The following IL17RA variants were observed in gnomAD, a reference collection of about 807,000 sequenced individuals.
The protein encoded by IL17RA is interleukin 17 receptor A.
Under a neutral mutation model 50.4 loss-of-function variants are expected in IL17RA, and 34 were observed. The observed-to-expected ratio is 0.67, with a 90% CI of 0.51 to 0.90. IL17RA has a LOEUF of 0.90. Among genes scored for constraint, IL17RA ranks in the 40% least tolerant of loss-of-function variants. The pLI is 0.00. For synonymous variants in IL17RA, 585 were observed against 510.4 expected, an observed-to-expected ratio of 1.15 and a Z score of -1.97; for missense variants, 1,276 against 1,169.8, an observed-to-expected ratio of 1.09 and a Z score of -1.32.
intron 1 of IL17RA, among the ~76,000 whole-genome samples, chr22:17,087,294 C>T (rs2061331508): frequency 2.0e-5 from 3 of 152,232 alleles, no homozygotes; most frequent in Admixed American, 1.3e-4. Flanking sequence ...TCTCTGCAGT[C>T]GGGCTTTGAG....
intron 1 of IL17RA, among the ~76,000 whole-genome samples, chr22:17,086,239 A>G (rs895439053): frequency 3.3e-5 from 5 of 150,878 alleles, no homozygotes; most frequent in African/African-American, 1.2e-4. Context: ...CTCCACCTCC[A>G]CCTCCACCGC....
Position 17,102,084 on chromosome 22 carries a change from C to T in IL17RA, c.598+41C>T, listed in dbSNP as rs756290540. ...GGAGAGCTTTATTTGGATGCATACA[C>T]ATGCACATGTGCGTGCCCCTCCTCA... is the stretch of plus-strand genomic sequence containing the variant. On this transcript the variant is annotated intron_variant, in intron 6 of 12. Coordinates refer to ENST00000319363, the MANE Select transcript of IL17RA (RefSeq NM_014339.7). 3.1e-6 allele frequency: 5 copies of T among 1,612,038 alleles called. No individual in the cohort carries two copies. In the Admixed American group the frequency reaches 8.3e-5, roughly 27 times the overall value.
At chr22:17,100,565 G>GC (rs2061387373) in intron 5 of IL17RA, 84 bp downstream of exon 5, 1 of 1,545,454 alleles carries the variant, frequency 6.5e-7, no homozygotes, top group South Asian at 1.1e-5. Context: ...CAGCCCCCCT[G>GC]CTCAGCAAGA....
intron 11 of IL17RA, 33 bp from the exon 12 acceptor site, chr22:17,107,694 G>C (rs574714149): frequency 6.3e-7 from 1 of 1,597,500 alleles, no homozygotes; most frequent in African/African-American, 1.3e-5. Flanking sequence ...TCTTCCCAAA[G>C]AACCACTCCA....
chr22:17,101,779 T>G (rs568076670), intron 5 of IL17RA, among the ~76,000 whole-genome samples: 3 of 152,296 alleles, frequency 2.0e-5, no homozygotes, highest in Non-Finnish European at 2.9e-5. Context: ...TCAGGAGGAA[T>G]GCACTTGCAT....
Position 17,099,063 on chromosome 22 carries a change from C to T in IL17RA, c.423+176C>T, listed in dbSNP as rs1041410018. ...GAAGTCAAAAGAGAAGTGGTGTGGCCGCCGTGAGCAATAGTGAGGGACAGA... is the reference window on the plus strand; with the variant it reads ...GAAGTCAAAAGAGAAGTGGTGTGGCTGCCGTGAGCAATAGTGAGGGACAGA... On this transcript the variant is annotated intron_variant, in intron 4 of 12. Transcript: ENST00000319363. Among the ~76,000 whole-genome samples, 9 of 152,272 alleles carry T rather than the reference C, an allele frequency of 5.9e-5. No homozygotes were observed. The East Asian group carries it at 7.7e-4, about 13-fold the overall frequency.
Position 17,110,031 on chromosome 22 carries a change from A to G in IL17RA, c.*211A>G, listed in dbSNP as rs886057207. 1.7e-6 allele frequency: 1 copy of G among 596,992 alleles called. No homozygotes were observed. Among genetic ancestry groups the G allele is most frequent in the Non-Finnish European group, 3.0e-6 (1 of 338,170 alleles). 37.0% of individuals were successfully genotyped at this position (596,992 alleles called of 1,614,324 possible). On this transcript the variant is annotated 3_prime_UTR_variant, in exon 13 of 13. Coordinates refer to ENST00000319363, the MANE Select transcript of IL17RA (RefSeq NM_014339.7). ...ATCGTCTATCCCCAGGGGAATCCAC[A>G]CAGCCCGCTCCCAGGAGCTAATGGT...
chr22:17,105,758 G>A (rs1377423508), intron 10 of IL17RA, 95 bp from the exon 11 acceptor site: 1 of 1,408,210 alleles, frequency 7.1e-7, no homozygotes, highest in African/African-American at 1.4e-5. Flanking sequence ...TGGGGCCAGA[G>A]AGGACAGAGC....
intron 7 of IL17RA, 45 bp downstream of exon 7, chr22:17,102,347 C>G: frequency 6.3e-7 from 1 of 1,597,774 alleles, no homozygotes; most frequent in Non-Finnish European, 8.6e-7. Context: ...TCAGGACCAC[C>G]CCTCCAAGCC....
intron 5 of IL17RA, among the ~76,000 whole-genome samples, chr22:17,101,699 G>T (rs1475646537): frequency 6.6e-6 from 1 of 152,240 alleles, no homozygotes; most frequent in Non-Finnish European, 1.5e-5. Context: ...GGCAGCCGGG[G>T]ACAAGAAGCT....
intron 5 of IL17RA, among the ~76,000 whole-genome samples, chr22:17,101,752 GGTC>G (rs2061392202): frequency 6.6e-6 from 1 of 152,184 alleles, no homozygotes; most frequent in Non-Finnish European, 1.5e-5. Flanking sequence ...AAGATTGCTT[GGTC>G]ACCCACAGCA....
intron 7 of IL17RA, 85 bp from the exon 8 acceptor site, chr22:17,103,409 C>G (rs529052877): frequency 9.1e-7 from 1 of 1,094,592 alleles, no homozygotes; most frequent in East Asian, 2.5e-5. Flanking sequence ...TGGACAGCCT[C>G]TCCATGGCAG....
Position 17,108,382 on chromosome 22 carries a change from A to ACC in IL17RA, c.1167_1168dup (p.Leu390ProfsTer8). ...GTCTGGATCATCTACTCAGCCGACC[A>ACC]CCCCCTCTACGTGGACGTGGTCCTG... is the stretch of plus-strand genomic sequence containing the variant. On this transcript the variant is annotated frameshift_variant, in exon 13 of 13. Coordinates refer to ENST00000319363, the MANE Select transcript of IL17RA (RefSeq NM_014339.7). LOFTEE classifies it low-confidence loss of function (END_TRUNC). 6.2e-7 allele frequency: 1 copy of ACC among 1,613,628 alleles called. No individual in the cohort carries two copies. The highest frequency in any genetic ancestry group is 8.5e-7 in the Non-Finnish European group (1 of 1,179,838).
chr22:17,105,684 C>A, intron 10 of IL17RA, 82 bp downstream of exon 10: 1 of 1,536,528 alleles, frequency 6.5e-7, no homozygotes, highest in Non-Finnish European at 9.0e-7. Flanking sequence ...CCTGCCTCAG[C>A]CAGGCAGACA....
In IL17RA at chr22:17,112,812, C is replaced by A. The variant is rs149043908; in HGVS notation, c.*2992C>A. ...AAGAACAGGTGCCCTCCACGCTGTG[C>A]CCCTCCCACCTCTTCAGCTCGTCTC... On this transcript the variant is annotated 3_prime_UTR_variant, in exon 13 of 13. Transcript: ENST00000319363. 1 of 152,166 alleles carries A rather than the reference C, an allele frequency of 6.6e-6. No homozygotes were observed. The highest frequency in any genetic ancestry group is 2.4e-5 in the African/African-American group (1 of 41,432). 9.4% of individuals were successfully genotyped at this position (152,166 alleles called of 1,614,324 possible). A position where few individuals can be genotyped will look rare whatever the true frequency, so the allele number is the denominator to read the frequency against.
At chr22:17,085,438 G>A (rs41470749) in intron 1 of IL17RA, among the ~76,000 whole-genome samples, 1 of 152,032 alleles carries the variant, frequency 6.6e-6, no homozygotes, top group Admixed American at 6.5e-5. Flanking sequence ...GTGGAATACG[G>A]GGGGGGTGGG....
chr22:17,103,472 C>G lies in IL17RA; in HGVS notation c.763-22C>G, dbSNP rs752863491. 8 of 1,608,026 alleles carry G rather than the reference C, an allele frequency of 5.0e-6. No homozygotes were observed. In the East Asian group the frequency reaches 1.8e-4, roughly 36 times the overall value. On this transcript the variant is annotated intron_variant, in intron 7 of 12. Coordinates refer to ENST00000319363, the MANE Select transcript of IL17RA (RefSeq NM_014339.7). ...CCTTACCCATCCCAACTAGCCTTAC[C>G]CATCCTCGCCTCTCTCCTCAGCCCA...
chr22:17,102,880 G>A (rs1410371905), intron 7 of IL17RA, among the ~76,000 whole-genome samples: 7 of 150,234 alleles, frequency 4.7e-5, no homozygotes, highest in African/African-American at 1.5e-4. Context: ...AGTGGTTCAC[G>A]CCTATAATCC....
At chr22:17,107,666 T>A in intron 11 of IL17RA, 61 bp from the exon 12 acceptor site, 3 of 1,421,392 alleles carry the variant, frequency 2.1e-6, no homozygotes, top group Non-Finnish European at 2.0e-6. Flanking sequence ...AGACACCCTG[T>A]GAGCTGGTTT....
Sources: gnomAD v4.1 joint callset for allele counts (sites outside exome capture counted in the v4.1 genomes callset) on GRCh38, gnomAD v4.1.1 for gene constraint, MANE v1.5 for transcripts, NCBI Gene and HGNC (gene_info 2026-07-23, HGNC 2026-07-21) for gene names.